Variants in COL26A1 observed in about 807,000 individuals in gnomAD.
COL26A1 encodes collagen type XXVI alpha 1 chain.
COL26A1 carries 41 observed loss-of-function variants against 59.3 expected under a neutral mutation model. The observed-to-expected ratio is 0.69, with a 90% CI of 0.54 to 0.90. The LOEUF is 0.90. Among genes scored for constraint, COL26A1 ranks in the 40% least tolerant of loss-of-function variants. COL26A1 has a pLI of 0.00. For synonymous variants in COL26A1, 266 were observed against 256.0 expected, an observed-to-expected ratio of 1.04 and a Z score of -0.37; for missense variants, 612 against 602.3, an observed-to-expected ratio of 1.02 and a Z score of -0.17.
At chr7:101,419,920 C>G in intron 1 of COL26A1, 57 bp from the exon 2 acceptor site, 1 of 1,588,944 alleles carries the variant, frequency 6.3e-7, no homozygotes, top group Non-Finnish European at 8.6e-7. Context: ...CCCCCTGACC[C>G]GAAGTTGGCA....
intron 1 of COL26A1, among the ~76,000 whole-genome samples, chr7:101,415,157 C>CTTT (rs768628869): frequency 0.17 from 25,285 of 147,208 alleles, 2,569 homozygotes; most frequent in Non-Finnish European, 0.23. Context: ...AACCCCCCCC[C>CTTT]TTTTTTTTTT....
rs576732224 is a variant in COL26A1 at position 101,488,959 on chromosome 7, A to G, written c.385+41172A>G. Among the ~76,000 whole-genome samples the G allele has an allele frequency of 1.3e-4, 20 of 152,280 alleles. 1 individual carries two copies. The South Asian group carries it at 4.1e-3, about 32-fold the overall frequency. On this transcript the variant is annotated intron_variant, in intron 3 of 12. Transcript: ENST00000313669. Reference sequence around the variant, plus strand: ...CTGTAAGTTAATTGTGTCCGGTGGAATGCAATTGGATATTGCCCTGGGGAC... The same window carrying G: ...CTGTAAGTTAATTGTGTCCGGTGGAGTGCAATTGGATATTGCCCTGGGGAC...
At position 101,437,552 on chromosome 7, in the gene COL26A1, C is replaced by G. The variant is rs1213051839; in HGVS notation, c.282-10132C>G. Among the ~76,000 whole-genome samples, 3 of 151,890 alleles carry G rather than the reference C, an allele frequency of 2.0e-5. No homozygotes were observed. In the East Asian group the frequency reaches 5.8e-4, roughly 29 times the overall value. On this transcript the variant is annotated intron_variant, in intron 2 of 12. Coordinates refer to ENST00000313669, the MANE Select transcript of COL26A1 (RefSeq NM_001278563.3). ...GATGGCAGAAGTCCACAAGGTTAGG[C>G]TTAGGATTTGGGTATTGTCCTAAGA...
chr7:101,543,669 A>C (rs920120947), intron 5 of COL26A1, among the ~76,000 whole-genome samples: 9 of 152,160 alleles, frequency 5.9e-5, no homozygotes, highest in Admixed American at 5.2e-4. Context: ...GCAGGGTGTG[A>C]GAGAGGGACC....
At chr7:101,442,910 AGT>A (rs1226095823) in intron 2 of COL26A1, among the ~76,000 whole-genome samples, 2 of 151,504 alleles carry the variant, frequency 1.3e-5, no homozygotes, top group Non-Finnish European at 3.0e-5. Context: ...TGTGCACACG[AGT>A]GTGAGAGAGC....
chr7:101,434,634 C>A (rs534542279), intron 2 of COL26A1, among the ~76,000 whole-genome samples: 1 of 151,560 alleles, frequency 6.6e-6, no homozygotes, highest in Admixed American at 6.6e-5. Flanking sequence ...GGAGAGAAGG[C>A]GGCACTCAAA....
intron 2 of COL26A1, among the ~76,000 whole-genome samples, chr7:101,441,579 A>G (rs1292237517): frequency 2.0e-5 from 3 of 152,076 alleles, no homozygotes; most frequent in Non-Finnish European, 4.4e-5. Context: ...CAGCCTCCCA[A>G]AGTGTTGGGA....
At chr7:101,483,466 GAT>G (rs1162458977) in intron 3 of COL26A1, among the ~76,000 whole-genome samples, 1 of 151,970 alleles carries the variant, frequency 6.6e-6, no homozygotes, top group African/African-American at 2.4e-5. Context: ...AAAGTGCTGG[GAT>G]TACAGGCATG....
chr7:101,418,481 T>C (rs2130269022), intron 1 of COL26A1, among the ~76,000 whole-genome samples: 1 of 152,218 alleles, frequency 6.6e-6, no homozygotes, highest in South Asian at 2.1e-4. Flanking sequence ...ATTTTATTAT[T>C]ATTTTTAGAC....
At chr7:101,471,673 G>A (rs1255087202) in intron 3 of COL26A1, among the ~76,000 whole-genome samples, 5 of 138,260 alleles carry the variant, frequency 3.6e-5, no homozygotes, top group Non-Finnish European at 6.1e-5. Flanking sequence ...TCCACCTACC[G>A]AGTTCAAGCG....
intron 1 of COL26A1, among the ~76,000 whole-genome samples, chr7:101,413,269 A>G (rs1363406009): frequency 6.6e-6 from 1 of 152,184 alleles, no homozygotes; most frequent in Non-Finnish European, 1.5e-5. Context: ...CTATAATCCC[A>G]GCACTTTGGG....
intron 2 of COL26A1, among the ~76,000 whole-genome samples, chr7:101,428,606 G>C (rs1792702892): frequency 6.6e-6 from 1 of 152,092 alleles, no homozygotes; most frequent in Non-Finnish European, 1.5e-5. Flanking sequence ...ATATTTTTGT[G>C]CATGTGTAAG....
At position 101,420,097 on chromosome 7, in the gene COL26A1, A is replaced by G; in HGVS notation, c.279A>G (p.Val93=). The G allele has an allele frequency of 1.9e-6, 3 of 1,612,890 alleles. No individual in the cohort carries two copies. The highest frequency in any genetic ancestry group is 1.7e-4 in the Middle Eastern group (1 of 5,978). ...CRWPGPCANL[V]SYRTLIRPTY... ...GGCCGGGGCCCTGCGCCAACCTCGT[A>G]AGGTAAAGGCCGCTGGGCTAGGCTG... Residue 93 remains valine, a splice_region_variant and synonymous_variant, in exon 2 of 13, where the codon GTA becomes GTG. Transcript: ENST00000313669.
chr7:101,452,669 G>A (rs918774448), intron 3 of COL26A1, among the ~76,000 whole-genome samples: 1 of 152,006 alleles, frequency 6.6e-6, no homozygotes, highest in Non-Finnish European at 1.5e-5. Context: ...TGACTATGCT[G>A]AATTCTGGAG....
Position 101,454,481 on chromosome 7 carries a change from A to G in COL26A1, c.385+6694A>G, listed in dbSNP as rs183611341. On this transcript the variant is annotated intron_variant, in intron 3 of 12. Coordinates refer to ENST00000313669, the MANE Select transcript of COL26A1 (RefSeq NM_001278563.3). Reference sequence around the variant, plus strand: ...ACTATGTTGGTCAGGTTGGTCTCGAACTCCTGACCTCAGATGATCCACCCA... The same window carrying G: ...ACTATGTTGGTCAGGTTGGTCTCGAGCTCCTGACCTCAGATGATCCACCCA... 2.8e-3 allele frequency among the ~76,000 whole-genome samples: 420 copies of G among 151,572 alleles called. 2 individuals are homozygous for G. The highest frequency in any genetic ancestry group is 9.8e-3 in the African/African-American group (404 of 41,348).
chr7:101,526,237 C>T (rs917693566), intron 3 of COL26A1, among the ~76,000 whole-genome samples: 1 of 151,988 alleles, frequency 6.6e-6, no homozygotes, highest in East Asian at 1.9e-4. Context: ...TTAGTAGAGA[C>T]GGGGTCTCTC....
At chr7:101,429,536 A>G (rs1468390387) in intron 2 of COL26A1, among the ~76,000 whole-genome samples, 3 of 150,932 alleles carry the variant, frequency 2.0e-5, no homozygotes, top group African/African-American at 7.3e-5. Flanking sequence ...TAAGTTTTGA[A>G]ATCAGATAGA....
intron 3 of COL26A1, among the ~76,000 whole-genome samples, chr7:101,506,001 C>T (rs1487791410): frequency 1.3e-5 from 2 of 152,160 alleles, no homozygotes; most frequent in African/African-American, 4.8e-5. Context: ...CCTTCGAGGA[C>T]CCTAGGACAG....
chr7:101,442,898 AGT>A (rs1472291617), intron 2 of COL26A1, among the ~76,000 whole-genome samples: 1 of 152,002 alleles, frequency 6.6e-6, no homozygotes, highest in Non-Finnish European at 1.5e-5. Flanking sequence ...TGCAAGCACG[AGT>A]GTGCACACGA....
Sources: allele counts gnomAD v4.1 joint callset (sites outside exome capture counted in the v4.1 genomes callset), GRCh38; gene constraint gnomAD v4.1.1; transcripts MANE v1.5; gene names NCBI Gene and HGNC (gene_info 2026-07-23, HGNC 2026-07-21).